The following ARHGEF9 variants were observed in gnomAD, a reference collection of about 807,000 sequenced individuals.
ARHGEF9 encodes rho guanine nucleotide exchange factor 9.
A neutral mutation model predicts 41.3 loss-of-function variants in ARHGEF9; 2 were observed. The observed-to-expected ratio is 0.05, with a 90% confidence interval of 0.02 to 0.15. ARHGEF9 has a LOEUF of 0.15. Ranked by LOEUF, ARHGEF9 falls within the 10% of genes least tolerant of loss-of-function variation. ARHGEF9 has a pLI of 1.00. For missense variants in ARHGEF9, 225 were observed against 424.7 expected, an observed-to-expected ratio of 0.53 and a Z score of 4.13; for synonymous variants, 160 against 154.4, an observed-to-expected ratio of 1.04 and a Z score of -0.27.
At chrX:63,673,792 C>A (rs781975402) in intron 6 of ARHGEF9, among the ~76,000 whole-genome samples, 50 of 111,517 alleles carry the variant, frequency 4.5e-4, no homozygotes, top group Admixed American at 6.7e-4. Flanking sequence ...TGTTCCTTGG[C>A]AATACCTGAA....
chrX:63,687,004 C>T (rs1310465950), intron 4 of ARHGEF9, among the ~76,000 whole-genome samples: 1 of 106,829 alleles, frequency 9.4e-6, no homozygotes, highest in Non-Finnish European at 1.9e-5. Context: ...CTGTAAGAAG[C>T]CTCTTGAATG....
chrX:63,662,670 C>T (rs188758908), intron 7 of ARHGEF9, among the ~76,000 whole-genome samples: 431 of 111,971 alleles, frequency 3.8e-3, no homozygotes, highest in Middle Eastern at 0.028. Context: ...CTAGGTCTCA[C>T]TTTACATATC....
At chrX:63,737,496 G>A (rs781880297) in intron 1 of ARHGEF9, among the ~76,000 whole-genome samples, 1 of 112,275 alleles carries the variant, frequency 8.9e-6, no homozygotes, top group African/African-American at 3.2e-5. Context: ...AATAAAAAAG[G>A]TCAGAAGACA....
At chrX:63,771,659 T>C (rs146742910) in intron 1 of ARHGEF9, among the ~76,000 whole-genome samples, 4,128 of 110,115 alleles carry the variant, frequency 0.037, 136 homozygotes, top group African/African-American at 0.099. Flanking sequence ...CTCTGCCTCC[T>C]AGGTTCAAGT....
rs782591332 is a variant in ARHGEF9, at chrX:63,644,642, A to G, written c.1322-594T>C. On this transcript the variant is annotated intron_variant, in intron 8 of 9. Coordinates refer to ENST00000671741, the MANE Select transcript of ARHGEF9 (RefSeq NM_001353921.2). ...ATAATTCCCAAACTTCAGGATAAAA[A>G]AAAAATCTGACAAGCTTCACAACAG... Among the ~76,000 whole-genome samples, 5 of 111,343 alleles carry G rather than the reference A, an allele frequency of 4.5e-5. No homozygotes were observed. In the Admixed American group the frequency reaches 4.8e-4, roughly 11 times the overall value.
chrX:63,643,930 T>G (rs1234593630), intron 9 of ARHGEF9, 50 bp downstream of exon 9: 3 of 1,143,715 alleles, frequency 2.6e-6, no homozygotes, highest in African/African-American at 3.6e-5. Context: ...TGTAAGCATA[T>G]AGCTTATGAT....
intron 8 of ARHGEF9, among the ~76,000 whole-genome samples, chrX:63,654,863 T>C (rs1301396953): frequency 8.9e-6 from 1 of 111,879 alleles, no homozygotes; most frequent in African/African-American, 3.2e-5. Context: ...CTATAGCCAA[T>C]GGCGTCTAAA....
At chrX:63,723,577 C>T (rs1368147101) in intron 2 of ARHGEF9, among the ~76,000 whole-genome samples, 2 of 111,985 alleles carry the variant, frequency 1.8e-5, no homozygotes, top group African/African-American at 3.2e-5. Context: ...AAGCAGTTTT[C>T]GCATGTTTTA....
At chrX:63,740,481 G>A (rs1309042710) in intron 1 of ARHGEF9, among the ~76,000 whole-genome samples, 1 of 112,203 alleles carries the variant, frequency 8.9e-6, no homozygotes, top group Non-Finnish European at 1.9e-5. Context: ...GCCTAGCTGA[G>A]CCTTTCCATC....
chrX:63,759,980 C>A (rs2147799920), intron 1 of ARHGEF9, among the ~76,000 whole-genome samples: 1 of 111,504 alleles, frequency 9.0e-6, no homozygotes, highest in South Asian at 3.8e-4. Flanking sequence ...TAACATCTGA[C>A]ATGATGTCTC....
At chrX:63,691,659 C>T (rs2051356938) in intron 4 of ARHGEF9, among the ~76,000 whole-genome samples, 1 of 110,839 alleles carries the variant, frequency 9.0e-6, no homozygotes, top group South Asian at 3.8e-4. Context: ...TAAATGCAAT[C>T]TCTATCAAAA....
intron 4 of ARHGEF9, among the ~76,000 whole-genome samples, chrX:63,684,972 A>AG (rs1367642916): frequency 1.8e-5 from 2 of 109,081 alleles, no homozygotes; most frequent in African/African-American, 6.6e-5. Context: ...ACCAGAGGTG[A>AG]GGGGGTGGGA....
chrX:63,757,501 C>T (rs180827402), intron 1 of ARHGEF9, among the ~76,000 whole-genome samples: 1 of 111,944 alleles, frequency 8.9e-6, no homozygotes, highest in East Asian at 2.8e-4. Context: ...CTGGGAATGG[C>T]AGTCACACAC....
At chrX:63,755,455 A>G (rs1391355905) in intron 1 of ARHGEF9, 6 of 274,317 alleles carry the variant, frequency 2.2e-5, no homozygotes, top group Non-Finnish European at 3.2e-5. Context: ...GAAGGGACCC[A>G]ATAGGATGCA....
chrX:63,764,397 G>C (rs1348065495), intron 1 of ARHGEF9, among the ~76,000 whole-genome samples: 1 of 112,570 alleles, frequency 8.9e-6, no homozygotes, highest in East Asian at 2.8e-4. Context: ...CAACAAGTGT[G>C]GAAGACACTG....
At chrX:63,696,481 A>G (rs1556388170) in intron 4 of ARHGEF9, among the ~76,000 whole-genome samples, 1 of 111,374 alleles carries the variant, frequency 9.0e-6, no homozygotes, top group African/African-American at 3.3e-5. Context: ...TCAAATCGTC[A>G]CTATCCTGTT....
At chrX:63,676,478 T>C (rs182955847) in intron 5 of ARHGEF9, among the ~76,000 whole-genome samples, 171 of 112,427 alleles carry the variant, frequency 1.5e-3, no homozygotes, top group African/African-American at 5.2e-3. Context: ...GGAAACACTC[T>C]ACATTTGTTT....
At chrX:63,718,524 A>T (rs2053457191) in intron 2 of ARHGEF9, among the ~76,000 whole-genome samples, 1 of 110,570 alleles carries the variant, frequency 9.0e-6, no homozygotes, top group Non-Finnish European at 1.9e-5. Flanking sequence ...AGAGAAAAAC[A>T]GGTGCCAGGC....
At chrX:63,745,733 G>A (rs1213367622) in intron 1 of ARHGEF9, among the ~76,000 whole-genome samples, 2 of 111,197 alleles carry the variant, frequency 1.8e-5, no homozygotes, top group African/African-American at 3.3e-5. Context: ...TGTAAATCCT[G>A]GCCACTTAAA....
Sources: gnomAD v4.1 joint callset for allele counts (sites outside exome capture counted in the v4.1 genomes callset) on GRCh38, gnomAD v4.1.1 for gene constraint, MANE v1.5 for transcripts, NCBI Gene and HGNC (gene_info 2026-07-23, HGNC 2026-07-21) for gene names.